TTBK2: variants seen among roughly 807,000 people sequenced by gnomAD.
TTBK2 encodes the protein tau tubulin kinase 2.
In TTBK2, 28 loss-of-function variants were observed where a neutral mutation model predicts 110.8. The ratio of observed to expected loss-of-function variants is 0.25; its 90% confidence interval spans 0.19 to 0.35. The LOEUF is 0.35. TTBK2 is among the 10% of genes least tolerant of loss of function. The pLI is 1.00. For missense variants in TTBK2, 1,369 were observed against 1,500.3 expected, an observed-to-expected ratio of 0.91 and a Z score of 1.45; for synonymous variants, 532 against 527.3, an observed-to-expected ratio of 1.01 and a Z score of -0.12.
chr15:42,910,924 A>T (rs1239280540), intron 1 of TTBK2, among the ~76,000 whole-genome samples: 1 of 151,958 alleles, frequency 6.6e-6, no homozygotes, highest in Non-Finnish European at 1.5e-5. Flanking sequence ...GGTGCCTGTA[A>T]TCCCAGCTAC....
intron 1 of TTBK2, among the ~76,000 whole-genome samples, chr15:42,911,751 T>A (rs1432865821): frequency 2.6e-5 from 4 of 152,138 alleles, no homozygotes; most frequent in Non-Finnish European, 5.9e-5. Flanking sequence ...AATTTTGAGG[T>A]GCTTTGTTTC....
In TTBK2 at chr15:42,763,084, TTATATATATATATATATACG is replaced by T. The variant is rs1457008934; in HGVS notation, c.1999-9857_1999-9838del. Among the ~76,000 whole-genome samples the T allele has an allele frequency of 9.4e-3, 1,021 of 108,768 alleles. 36 individuals carry two copies. Among genetic ancestry groups the T allele is most frequent in the African/African-American group, 0.042 (948 of 22,574 alleles). 71.4% of individuals were successfully genotyped at this position (108,768 alleles called of 152,430 possible). A position where few individuals can be genotyped will look rare whatever the true frequency, so the allele number is the denominator to read the frequency against. The stretch of plus-strand genomic sequence containing the variant: ...TATAGGATGATTACAGTTAACAATT[TTATATATATATATATATACG>T]TATATATATATATACACATATATAT... On this transcript the variant is annotated intron_variant, in intron 13 of 14. Coordinates refer to ENST00000267890, the MANE Select transcript of TTBK2 (RefSeq NM_173500.4).
At chr15:42,867,824 G>T (rs1456862371) in intron 3 of TTBK2, among the ~76,000 whole-genome samples, 2 of 152,194 alleles carry the variant, frequency 1.3e-5, no homozygotes, top group East Asian at 3.8e-4. Flanking sequence ...CAGCAATAAT[G>T]CTCTTTGGTA....
At chr15:42,823,352 C>CAT (rs147988949) in intron 6 of TTBK2, among the ~76,000 whole-genome samples, 30 of 151,528 alleles carry the variant, frequency 2.0e-4, no homozygotes, top group East Asian at 1.6e-3. Flanking sequence ...CAAAGTGTTG[C>CAT]ATATATATAT....
At chr15:42,780,140 G>A (rs1158817597) in intron 11 of TTBK2, among the ~76,000 whole-genome samples, 1 of 149,550 alleles carries the variant, frequency 6.7e-6, no homozygotes, top group African/African-American at 2.5e-5. Context: ...TCCACCCTCA[G>A]CCTCCCAAGT....
At chr15:42,916,082 T>C (rs1038609854) in intron 1 of TTBK2, among the ~76,000 whole-genome samples, 2 of 152,228 alleles carry the variant, frequency 1.3e-5, no homozygotes, top group African/African-American at 2.4e-5. Flanking sequence ...CCTTTATTTA[T>C]AGAATTAAGG....
chr15:42,821,239 A>G (rs997293257), intron 6 of TTBK2, among the ~76,000 whole-genome samples: 2 of 152,224 alleles, frequency 1.3e-5, no homozygotes, highest in African/African-American at 2.4e-5. Flanking sequence ...AAAGAAACTA[A>G]TAACAGTACA....
chr15:42,918,348 T>C (rs920601776), intron 1 of TTBK2, among the ~76,000 whole-genome samples: 1 of 152,072 alleles, frequency 6.6e-6, no homozygotes, highest in Non-Finnish European at 1.5e-5. Flanking sequence ...ATTACAGGCA[T>C]GAGGTTTTTT....
At chr15:42,835,078 G>A (rs538523290) in intron 4 of TTBK2, among the ~76,000 whole-genome samples, 2 of 152,248 alleles carry the variant, frequency 1.3e-5, no homozygotes, top group African/African-American at 2.4e-5. Flanking sequence ...AATAGTGAAT[G>A]TAGTGGTTTT....
Position 42,752,666 on chromosome 15 carries a change from G to T in TTBK2, c.2580C>A (p.Asp860Glu). Residue 860 changes from aspartate to glutamate, a missense_variant, in exon 14 of 15, where the codon GAC (aspartate) becomes GAA (glutamate). Physicochemically the swap from Asp to Glu is conservative, Grantham distance 45. Transcript: ENST00000267890. ...GTSEISSRDI[D>E]PHVEGQIGQV... ...GGCCTATCTGACCTTCAACATGTGG[G>T]TCAATGTCTCTGGAAGAAATTTCTG... 1 of 1,614,022 alleles carries T rather than the reference G, an allele frequency of 6.2e-7. No individual in the cohort carries two copies. The highest frequency in any genetic ancestry group is 8.5e-7 in the Non-Finnish European group (1 of 1,180,016).
intron 1 of TTBK2, among the ~76,000 whole-genome samples, chr15:42,901,833 G>C (rs1307968366): frequency 6.6e-6 from 1 of 152,104 alleles, no homozygotes; most frequent in Non-Finnish European, 1.5e-5. Context: ...GACTTGAATA[G>C]ACACTTGTCC....
At chr15:42,887,853 C>T (rs1895306210) in intron 1 of TTBK2, among the ~76,000 whole-genome samples, 2 of 152,146 alleles carry the variant, frequency 1.3e-5, no homozygotes, top group Admixed American at 1.3e-4. Context: ...GCTTCACAGA[C>T]AGCCTCCATT....
At chr15:42,875,190 T>C (rs1894769690) in intron 2 of TTBK2, among the ~76,000 whole-genome samples, 2 of 152,146 alleles carry the variant, frequency 1.3e-5, no homozygotes, top group Admixed American at 1.3e-4. Flanking sequence ...TCTTGCTTCT[T>C]AGTCTATTTC....
In TTBK2 at chr15:42,829,989, C is replaced by T. The variant is rs1892682720; in HGVS notation, c.381G>A (p.Glu127=). 11 of 1,614,100 alleles carry T rather than the reference C, an allele frequency of 6.8e-6. No individual in the cohort carries two copies. Among genetic ancestry groups the T allele is most frequent in the South Asian group, 1.1e-5 (1 of 91,078 alleles). ...TTLRLGRQIL[E]SIESIHSVGF... The stretch of plus-strand genomic sequence containing the variant: ...CCACAGAATGAATGCTTTCAATAGA[C>T]TCCAAAATCTGTCTACCCAGCCGGA... The change falls in exon 5 of 15, where the codon GAG becomes GAA. Residue 127 remains glutamate, a synonymous_variant. Coordinates refer to ENST00000267890, the MANE Select transcript of TTBK2 (RefSeq NM_173500.4).
In TTBK2 at chr15:42,874,805, G is replaced by A. The variant is rs142774139; in HGVS notation, c.70-2047C>T. 4.7e-3 allele frequency among the ~76,000 whole-genome samples: 706 copies of A among 151,216 alleles called. 3 individuals carry two copies. The highest frequency in any genetic ancestry group is 0.01 in the South Asian group (50 of 4,764). ...GTTTGAGAGCAGCCTGACCAACATCGTGAAAGCCCGTCTCTACTAAAATTA... is the reference window on the plus strand; with the variant it reads ...GTTTGAGAGCAGCCTGACCAACATCATGAAAGCCCGTCTCTACTAAAATTA... On this transcript the variant is annotated intron_variant, in intron 2 of 14. Coordinates refer to ENST00000267890, the MANE Select transcript of TTBK2 (RefSeq NM_173500.4).
intron 9 of TTBK2, chr15:42,801,926 C>T (rs765351878): frequency 6.3e-7 from 1 of 1,583,666 alleles, no homozygotes; most frequent in East Asian, 2.2e-5. Context: ...CCAAGCTCCG[C>T]CTCCAGCTTC....
intron 4 of TTBK2, among the ~76,000 whole-genome samples, chr15:42,839,026 G>C (rs1481297730): frequency 6.6e-6 from 1 of 152,042 alleles, no homozygotes; most frequent in Admixed American, 6.6e-5. Context: ...GGTTTGGTGT[G>C]GAAACGATTT....
intron 13 of TTBK2, among the ~76,000 whole-genome samples, chr15:42,759,384 C>A (rs1444724468): frequency 6.6e-6 from 1 of 152,234 alleles, no homozygotes; most frequent in African/African-American, 2.4e-5. Flanking sequence ...CGGCTGCATA[C>A]CTGCGCCTTG....
rs1255740662 is a variant in TTBK2 at position 42,810,616 on chromosome 15, G to T, written c.820C>A (p.Gln274Lys). 3.1e-6 allele frequency: 5 copies of T among 1,613,630 alleles called. No homozygotes were observed. The South Asian group carries it at 5.5e-5, about 18-fold the overall frequency. ...SLDYFTKPDY[Q>K]LLTSVFDNSI... ...ACAGAACTCACAAAGATGGTTACCT[G>T]GTAGTCTGGTTTTGTAAAATAATCC... Residue 274 changes from glutamine to lysine, a missense_variant and splice_region_variant, in exon 9 of 15, where the codon CAG (glutamine) becomes AAG (lysine). Physicochemically the swap from Gln to Lys is moderately conservative, Grantham distance 53. This residue lies in a region of TTBK2 where 138 missense variants were observed against 179.0 expected (regional missense o/e 0.77). Coordinates refer to ENST00000267890, the MANE Select transcript of TTBK2 (RefSeq NM_173500.4).
Sources: gnomAD v4.1 joint callset for allele counts (sites outside exome capture counted in the v4.1 genomes callset) on GRCh38, gnomAD v4.1.1 for gene constraint, gnomAD v4.1.1 regional missense constraint, MANE v1.5 for transcripts, NCBI Gene and HGNC (gene_info 2026-07-23, HGNC 2026-07-21) for gene names.